The following KCNH1 variants were observed in gnomAD, a reference collection of about 807,000 sequenced individuals.
KCNH1 encodes the protein potassium voltage-gated channel subfamily H member 1.
In KCNH1, 27 loss-of-function variants were observed where a neutral mutation model predicts 69.2. The ratio of observed to expected loss-of-function variants is 0.39; its 90% CI spans 0.29 to 0.54. KCNH1 has a LOEUF of 0.54. Ranked by LOEUF, KCNH1 falls within the 20% of genes least tolerant of loss-of-function variation. The pLI is 0.68. For synonymous variants in KCNH1, 456 were observed against 487.7 expected (o/e 0.93, Z 0.86); for missense variants, 798 against 1,261.6 (o/e 0.63, Z 5.57).
intron 7 of KCNH1, among the ~76,000 whole-genome samples, chr1:210,839,435 G>C (rs1685358642): frequency 1.3e-5 from 2 of 152,116 alleles, no homozygotes; most frequent in African/African-American, 2.4e-5. Context: ...GGAAGGTGAG[G>C]GGTGGGAAGA....
In KCNH1 at chr1:210,797,667, T is replaced by C. The variant is rs758260465; in HGVS notation, c.1756A>G (p.Ser586Gly). 6.2e-7 allele frequency: 1 copy of C among 1,614,242 alleles called. No homozygotes were observed. Among genetic ancestry groups the C allele is most frequent in the Non-Finnish European group, 8.5e-7 (1 of 1,180,040 alleles). ...GCCAGTGCCCGGAGGCAGCCATCAC[T>C]GGCCAGCCGGAAGGCCGGGTGCTCC... The part of the protein sequence containing the change: ...FKEHPAFRLA[S>G]DGCLRALAME... The change falls in exon 9 of 11, where the codon AGT (serine) becomes GGT (glycine). Residue 586 changes from serine to glycine, a missense_variant. This residue lies in a region of KCNH1 where 197 missense variants were observed against 407.7 expected (regional missense o/e 0.48). Transcript: ENST00000271751.
intron 10 of KCNH1, among the ~76,000 whole-genome samples, chr1:210,721,208 G>T (rs1249820897): frequency 1.3e-5 from 2 of 152,052 alleles, no homozygotes; most frequent in Non-Finnish European, 2.9e-5. Context: ...TGCTGGGTTT[G>T]CACACACAAT....
intron 1 of KCNH1, among the ~76,000 whole-genome samples, chr1:211,110,054 C>A (rs1691430049): frequency 6.7e-6 from 1 of 150,246 alleles, no homozygotes. Context: ...GAGGATCAGT[C>A]CAACAGGAAA....
chr1:210,924,552 T>G (rs188092625), intron 6 of KCNH1, among the ~76,000 whole-genome samples: 6 of 152,344 alleles, frequency 3.9e-5, no homozygotes, highest in Non-Finnish European at 8.8e-5. Flanking sequence ...TTTCCTTACT[T>G]GCCTGAGTTC....
intron 6 of KCNH1, among the ~76,000 whole-genome samples, chr1:211,013,689 A>C (rs2102409730): frequency 6.6e-6 from 1 of 152,302 alleles, no homozygotes; most frequent in East Asian, 1.9e-4. Flanking sequence ...AACCGGGATA[A>C]TACCTGCTCT....
At chr1:210,796,747 C>T (rs899598255) in intron 9 of KCNH1, among the ~76,000 whole-genome samples, 2 of 152,092 alleles carry the variant, frequency 1.3e-5, no homozygotes, top group Non-Finnish European at 2.9e-5. Context: ...CTGCTTGCCA[C>T]AGTATTAGTT....
intron 7 of KCNH1, among the ~76,000 whole-genome samples, chr1:210,881,336 A>T (rs1686489955): frequency 6.6e-6 from 1 of 152,184 alleles, no homozygotes; most frequent in Non-Finnish European, 1.5e-5. Context: ...CACACATATT[A>T]GAATGGCCCA....
intron 6 of KCNH1, among the ~76,000 whole-genome samples, chr1:210,926,590 T>C (rs181401373): frequency 5.9e-5 from 9 of 152,218 alleles, no homozygotes; most frequent in Admixed American, 5.9e-4. Flanking sequence ...AGAACTTCCC[T>C]CTGATATAGT....
At chr1:210,932,819 A>AAT (rs1389775389) in intron 6 of KCNH1, among the ~76,000 whole-genome samples, 1 of 152,180 alleles carries the variant, frequency 6.6e-6, no homozygotes, top group Admixed American at 6.6e-5. Flanking sequence ...AATAACTGTA[A>AAT]ATATATATGA....
intron 6 of KCNH1, among the ~76,000 whole-genome samples, chr1:210,964,883 C>A (rs2102360564): frequency 6.6e-6 from 1 of 152,282 alleles, no homozygotes; most frequent in African/African-American, 2.4e-5. Context: ...TCCAGCAGCA[C>A]ATCAAAAAGC....
chr1:211,116,987 G>T (rs1194180484), intron 1 of KCNH1, among the ~76,000 whole-genome samples: 1 of 152,156 alleles, frequency 6.6e-6, no homozygotes, highest in East Asian at 1.9e-4. Context: ...AGTAAAATGG[G>T]CTCCAGCACA....
chr1:210,961,578 A>G (rs901863142), intron 6 of KCNH1, among the ~76,000 whole-genome samples: 2 of 152,126 alleles, frequency 1.3e-5, no homozygotes, highest in East Asian at 1.9e-4. Context: ...CAGTGGCTCG[A>G]GCCTGTAATC....
At chr1:211,086,929 G>T (rs535955807) in intron 4 of KCNH1, among the ~76,000 whole-genome samples, 18 of 152,250 alleles carry the variant, frequency 1.2e-4, no homozygotes, top group African/African-American at 4.3e-4. Flanking sequence ...CACTGCCTAA[G>T]CGTCCTCAAG....
chr1:210,879,573 A>C (rs1686451818), intron 7 of KCNH1, among the ~76,000 whole-genome samples: 8 of 152,038 alleles, frequency 5.3e-5, no homozygotes, highest in Admixed American at 5.2e-4. Context: ...TCTGATAAAA[A>C]CTCTCAGTAA....
chr1:210,806,853 A>ATT (rs1214996643), intron 7 of KCNH1, among the ~76,000 whole-genome samples: 7 of 126,666 alleles, frequency 5.5e-5, no homozygotes, highest in African/African-American at 2.1e-4. Context: ...ATATATATAT[A>ATT]TAAATTTGCC....
At chr1:210,724,237 C>A (rs1361094982) in intron 10 of KCNH1, among the ~76,000 whole-genome samples, 1 of 152,058 alleles carries the variant, frequency 6.6e-6, no homozygotes, top group African/African-American at 2.4e-5. Context: ...ACTTAGAATC[C>A]CAAACTACAG....
At chr1:210,701,872 C>A (rs1393596330) in intron 10 of KCNH1, among the ~76,000 whole-genome samples, 2 of 152,076 alleles carry the variant, frequency 1.3e-5, no homozygotes, top group Non-Finnish European at 2.9e-5. Context: ...TATTTATTTT[C>A]TTTTTCTTAG....
At chr1:210,932,291 T>C (rs1687693112) in intron 6 of KCNH1, among the ~76,000 whole-genome samples, 2 of 152,128 alleles carry the variant, frequency 1.3e-5, no homozygotes, top group African/African-American at 4.8e-5. Flanking sequence ...CAGAGTCCAA[T>C]ATCTAGAAAT....
At chr1:210,806,661 A>G (rs1454391807) in intron 7 of KCNH1, among the ~76,000 whole-genome samples, 1 of 150,964 alleles carries the variant, frequency 6.6e-6, no homozygotes, top group Non-Finnish European at 1.5e-5. Context: ...ATAATAGTTC[A>G]TGTCTCTTTT....
Sources: allele counts gnomAD v4.1 joint callset (sites outside exome capture counted in the v4.1 genomes callset), GRCh38; gene constraint gnomAD v4.1.1; regional missense constraint gnomAD v4.1.1; transcripts MANE v1.5; gene names NCBI Gene and HGNC (gene_info 2026-07-23, HGNC 2026-07-21).